Variants in CCSER1 observed in about 807,000 individuals in gnomAD.
CCSER1 encodes serine-rich coiled-coil domain-containing protein 1.
In CCSER1, 41 loss-of-function variants were observed where a neutral mutation model predicts 82.0. That is an observed-to-expected ratio of 0.50 (90% confidence interval 0.39 to 0.65). The LOEUF is 0.65. Ranked by LOEUF, CCSER1 falls within the 30% of genes least tolerant of loss-of-function variation. The pLI is 0.00. For missense variants in CCSER1, 1,119 were observed against 1,064.2 expected, an observed-to-expected ratio of 1.05 and a Z score of -0.72; for synonymous variants, 414 against 383.9, an observed-to-expected ratio of 1.08 and a Z score of -0.92.
chr4:90,734,863 A>T (rs967549770), intron 7 of CCSER1, among the ~76,000 whole-genome samples: 1 of 152,150 alleles, frequency 6.6e-6, no homozygotes, highest in Admixed American at 6.6e-5. Context: ...ACTATATTGA[A>T]TAACAGTGGT....
chr4:90,724,724 T>C (rs1743320173), intron 7 of CCSER1: 1 of 336,072 alleles, frequency 3.0e-6, no homozygotes, highest in Non-Finnish European at 5.8e-6. Flanking sequence ...TGTACTTAAG[T>C]GCACTGATTT....
At chr4:91,422,531 A>T (rs1214606953) in intron 10 of CCSER1, among the ~76,000 whole-genome samples, 2 of 152,200 alleles carry the variant, frequency 1.3e-5, no homozygotes, top group Non-Finnish European at 1.5e-5. Flanking sequence ...GTGGATTTGC[A>T]AACAGAGAAT....
At chr4:90,465,870 T>A (rs1218671716) in intron 4 of CCSER1, among the ~76,000 whole-genome samples, 2 of 152,224 alleles carry the variant, frequency 1.3e-5, no homozygotes, top group African/African-American at 4.8e-5. Context: ...GGGGAGTGAC[T>A]GATGTTATTT....
At chr4:91,519,570 C>A (rs1189216617) in intron 10 of CCSER1, among the ~76,000 whole-genome samples, 1 of 152,234 alleles carries the variant, frequency 6.6e-6, no homozygotes, top group Non-Finnish European at 1.5e-5. Flanking sequence ...TGGCTCTGCC[C>A]AGACTCTATA....
intron 10 of CCSER1, among the ~76,000 whole-genome samples, chr4:91,448,564 A>G (rs1466734474): frequency 2.6e-5 from 4 of 152,022 alleles, no homozygotes; most frequent in East Asian, 1.9e-4. Context: ...GAGTGTTTCT[A>G]TATTTTTATC....
chr4:90,199,129 T>C (rs546199285), intron 1 of CCSER1, among the ~76,000 whole-genome samples: 1 of 152,316 alleles, frequency 6.6e-6, no homozygotes, highest in Non-Finnish European at 1.5e-5. Flanking sequence ...CAGCAGTCTT[T>C]AGGTTTGCAA....
At chr4:90,837,303 A>T (rs920506817) in intron 8 of CCSER1, among the ~76,000 whole-genome samples, 1 of 152,224 alleles carries the variant, frequency 6.6e-6, no homozygotes, top group Non-Finnish European at 1.5e-5. Flanking sequence ...GAGGCACTCT[A>T]GAGAAAGACT....
At chr4:90,627,964 G>T in intron 5 of CCSER1, 61 bp from the exon 6 acceptor site, 1 of 1,289,008 alleles carries the variant, frequency 7.8e-7, no homozygotes, top group African/African-American at 1.5e-5. Flanking sequence ...TTAACAACTT[G>T]GGAAATACTG....
intron 7 of CCSER1, among the ~76,000 whole-genome samples, chr4:90,795,009 G>T (rs1755791733): frequency 6.6e-6 from 1 of 151,992 alleles, no homozygotes; most frequent in Admixed American, 6.6e-5. Flanking sequence ...CTGATTTCTG[G>T]CTGGGTGCGG....
At chr4:91,395,140 G>T (rs1177193302) in intron 10 of CCSER1, among the ~76,000 whole-genome samples, 3 of 151,976 alleles carry the variant, frequency 2.0e-5, no homozygotes, top group Non-Finnish European at 4.4e-5. Context: ...TGTTCTTTGT[G>T]CACTTGTCTG....
At position 91,396,061 on chromosome 4, in the gene CCSER1, A is replaced by G. The variant is rs530956146; in HGVS notation, c.2218-202511A>G. ...TTTCTAGATAGCAATTCAGCCATTG[A>G]GCCTCAGACCTAGTACTTGAAATAA... On this transcript the variant is annotated intron_variant, in intron 10 of 10. Coordinates refer to ENST00000509176, the MANE Select transcript of CCSER1 (RefSeq NM_001145065.2). Among the ~76,000 whole-genome samples, 11 of 152,196 alleles carry G rather than the reference A, an allele frequency of 7.2e-5. No individual in the cohort carries two copies. In the South Asian group the frequency reaches 2.3e-3, roughly 31 times the overall value.
chr4:90,402,313 C>T (rs1752990686), intron 4 of CCSER1, among the ~76,000 whole-genome samples: 1 of 152,136 alleles, frequency 6.6e-6, no homozygotes, highest in Non-Finnish European at 1.5e-5. Context: ...AAAGTTGTTT[C>T]TGAGTTAATC....
intron 10 of CCSER1, among the ~76,000 whole-genome samples, chr4:91,207,294 T>A (rs1016471024): frequency 6.6e-6 from 1 of 151,760 alleles, no homozygotes; most frequent in African/African-American, 2.4e-5. Context: ...TACGAATTAT[T>A]TCATCACCCA....
intron 1 of CCSER1, among the ~76,000 whole-genome samples, chr4:90,296,502 C>A (rs569121852): frequency 2.0e-5 from 3 of 151,896 alleles, no homozygotes; most frequent in South Asian, 2.1e-4. Context: ...TTTAATTAGA[C>A]CCCATTTGTC....
At chr4:90,497,128 A>G (rs909058012) in intron 5 of CCSER1, among the ~76,000 whole-genome samples, 5 of 152,170 alleles carry the variant, frequency 3.3e-5, no homozygotes, top group South Asian at 2.1e-4. Flanking sequence ...GTAACATTAC[A>G]AAGTTATATT....
intron 10 of CCSER1, among the ~76,000 whole-genome samples, chr4:91,368,184 A>G (rs1749776697): frequency 6.6e-6 from 1 of 152,106 alleles, no homozygotes; most frequent in African/African-American, 2.4e-5. Context: ...AGAGATAACT[A>G]AAACTTTTAT....
rs200709915 is a variant in CCSER1, at chr4:90,823,660, T to TG, written c.2094+7823dup. Among the ~76,000 whole-genome samples, 127 of 151,778 alleles carry TG rather than the reference T, an allele frequency of 8.4e-4. 2 individuals carry two copies. The East Asian group carries it at 0.02, about 24-fold the overall frequency. On this transcript the variant is annotated intron_variant, in intron 8 of 10. Transcript: ENST00000509176. ...TGTGTGAACCGTGAGCTCTCTATTT[T>TG]GGGGGGGGATGTTTGGACATTTTAG...
chr4:90,930,309 TAAG>T (rs887120283), intron 9 of CCSER1, among the ~76,000 whole-genome samples: 5 of 151,964 alleles, frequency 3.3e-5, no homozygotes, highest in African/African-American at 1.2e-4. Context: ...GATTATATAA[TAAG>T]AAGTCCTGGC....
At chr4:90,687,749 C>G (rs991414331) in intron 6 of CCSER1, among the ~76,000 whole-genome samples, 2 of 151,974 alleles carry the variant, frequency 1.3e-5, no homozygotes, top group Admixed American at 6.6e-5. Context: ...CCCAAACGAG[C>G]TAGGTAGACT....
Sources: allele counts gnomAD v4.1 joint callset (sites outside exome capture counted in the v4.1 genomes callset), GRCh38; gene constraint gnomAD v4.1.1; transcripts MANE v1.5; gene names NCBI Gene and HGNC (gene_info 2026-07-23, HGNC 2026-07-21).